The following COL8A1 variants were observed in gnomAD, a reference collection of about 807,000 sequenced individuals.
COL8A1 encodes collagen type VIII alpha 1 chain, also known as collagen alpha-1(VIII) chain.
Under a neutral mutation model 42.7 loss-of-function variants are expected in COL8A1, and 21 were observed. That is an observed-to-expected ratio of 0.49 (90% CI 0.35 to 0.71). COL8A1 has a LOEUF of 0.71. COL8A1 is among the 30% of genes least tolerant of loss of function. The probability of loss-of-function intolerance (pLI) is 0.01; values close to 1 mark genes in which losing one functional copy is unlikely to be tolerated. For synonymous variants in COL8A1, 367 were observed against 369.1 expected (o/e 0.99, Z 0.06); for missense variants, 788 against 962.4 (o/e 0.82, Z 2.40).
In COL8A1 at chr3:99,790,945, A is replaced by G; in HGVS notation, c.263A>G (p.Gln88Arg). 6.8e-6 allele frequency: 11 copies of G among 1,614,106 alleles called. No individual in the cohort carries two copies. In the South Asian group the frequency reaches 1.2e-4, roughly 18 times the overall value. Reference sequence around the variant, plus strand: ...GGCAAAGAGTATCCACACCTACCCCAATATATGAAGGAAATTCAACCGGCG... The same window carrying G: ...GGCAAAGAGTATCCACACCTACCCCGATATATGAAGGAAATTCAACCGGCG... ...QYGKEYPHLP[Q>R]YMKEIQPAPR... Residue 88 changes from glutamine (Q) to arginine (R), a missense_variant, in exon 3 of 4, where the codon CAA (glutamine) becomes CGA (arginine). Transcript: ENST00000652472.
intron 1 of COL8A1, among the ~76,000 whole-genome samples, chr3:99,653,401 TG>T (rs1937913707): frequency 6.6e-6 from 1 of 151,786 alleles, no homozygotes; most frequent in African/African-American, 2.4e-5. Flanking sequence ...TTGGTTTGGG[TG>T]GGGGGTTGTG....
intron 1 of COL8A1, among the ~76,000 whole-genome samples, chr3:99,669,236 C>G (rs936424978): frequency 3.4e-5 from 5 of 149,174 alleles, no homozygotes; most frequent in African/African-American, 9.9e-5. Context: ...CATAAATTTA[C>G]AGTAAAACAT....
intron 1 of COL8A1, among the ~76,000 whole-genome samples, chr3:99,646,386 A>AT (rs1431058041): frequency 1.3e-5 from 2 of 152,182 alleles, no homozygotes; most frequent in Non-Finnish European, 2.9e-5. Flanking sequence ...CAGTGTTTTA[A>AT]TTTCAAAAAC....
intron 2 of COL8A1, among the ~76,000 whole-genome samples, chr3:99,757,363 A>T (rs2107420802): frequency 6.6e-6 from 1 of 152,250 alleles, no homozygotes; most frequent in South Asian, 2.1e-4. Flanking sequence ...ACCATTCATG[A>T]CATTGACTAA....
intron 1 of COL8A1, among the ~76,000 whole-genome samples, chr3:99,714,665 T>A (rs1939944591): frequency 6.6e-6 from 1 of 152,066 alleles, no homozygotes; most frequent in Non-Finnish European, 1.5e-5. Context: ...TCTTCATTCA[T>A]TCAACAAATA....
At chr3:99,756,690 T>A (rs564910059) in intron 2 of COL8A1, among the ~76,000 whole-genome samples, 1 of 152,352 alleles carries the variant, frequency 6.6e-6, no homozygotes, top group South Asian at 2.1e-4. Flanking sequence ...AACCAGGGTC[T>A]TCAATTTCCA....
chr3:99,650,193 C>T (rs935771092), intron 1 of COL8A1, among the ~76,000 whole-genome samples: 22 of 152,260 alleles, frequency 1.4e-4, no homozygotes, highest in Admixed American at 3.9e-4. Context: ...GTCAGAATAA[C>T]CATAATTTCA....
intron 1 of COL8A1, among the ~76,000 whole-genome samples, chr3:99,667,214 C>T (rs1938393377): frequency 6.6e-6 from 1 of 152,096 alleles, no homozygotes; most frequent in South Asian, 2.1e-4. Flanking sequence ...CTAAACTATT[C>T]CTTTGGGTTC....
chr3:99,755,764 G>A (rs558584062), intron 2 of COL8A1, among the ~76,000 whole-genome samples: 16 of 152,328 alleles, frequency 1.1e-4, no homozygotes, highest in African/African-American at 3.4e-4. Flanking sequence ...TTGGCTTGTT[G>A]CAAGATGGCA....
rs781289420 is a variant in COL8A1, at chr3:99,790,894, G to A, written c.212G>A (p.Gly71Asp). 4 of 1,614,230 alleles carry A rather than the reference G, an allele frequency of 2.5e-6. No individual in the cohort carries two copies. The highest frequency in any genetic ancestry group is 2.5e-6 in the Non-Finnish European group (3 of 1,180,038). The change falls in exon 3 of 4, where the codon GGC (glycine) becomes GAC (aspartate). Residue 71 changes from glycine (G) to aspartate (D), a missense_variant. Around this residue, in one of 4 missense-constraint regions of COL8A1, gnomAD observed 421 missense variants for 553.1 expected, o/e 0.76. Coordinates refer to ENST00000652472, the MANE Select transcript of COL8A1 (RefSeq NM_020351.4). The part of the protein sequence containing the change: ...MPLAKDGLAM[G>D]KEMPHLQYGK... Reference sequence around the variant, plus strand: ...TTGGCCAAAGATGGCCTTGCCATGGGCAAGGAGATGCCCCACTTGCAGTAT... The same window carrying A: ...TTGGCCAAAGATGGCCTTGCCATGGACAAGGAGATGCCCCACTTGCAGTAT...
Position 99,797,243 on chromosome 3 carries a change from C to G in COL8A1, c.*1107C>G, listed in dbSNP as rs1942123002. 1 of 152,030 alleles carries G rather than the reference C, an allele frequency of 6.6e-6. No individual in the cohort carries two copies. Among genetic ancestry groups the G allele is most frequent in the Non-Finnish European group, 1.5e-5 (1 of 68,014 alleles). 9.4% of individuals were successfully genotyped at this position (152,030 alleles called of 1,614,324 possible). A position where few individuals can be genotyped will look rare whatever the true frequency, so the allele number is the denominator to read the frequency against. ...TTTCTCTGTTTAGCATGTATGCAAA[C>G]TGATATGTAATCTGAGGTTCCAAAG... On this transcript the variant is annotated 3_prime_UTR_variant, in exon 4 of 4. Transcript: ENST00000652472.
intron 1 of COL8A1, among the ~76,000 whole-genome samples, chr3:99,734,996 A>AT (rs891309996): frequency 5.9e-4 from 89 of 152,006 alleles, no homozygotes; most frequent in African/African-American, 2.1e-3. Context: ...TTGTACATTG[A>AT]TTTTGTATCC....
chr3:99,723,053 G>A (rs1195169947), intron 1 of COL8A1, among the ~76,000 whole-genome samples: 1 of 150,932 alleles, frequency 6.6e-6, no homozygotes, highest in Non-Finnish European at 1.5e-5. Context: ...GATGACTTCT[G>A]AAATGAAGTC....
chr3:99,736,719 G>A (rs1382715602), intron 1 of COL8A1, among the ~76,000 whole-genome samples: 5 of 152,068 alleles, frequency 3.3e-5, no homozygotes, highest in Admixed American at 2.6e-4. Context: ...TTGATTTGGG[G>A]TGGAGAGTTC....
intron 1 of COL8A1, among the ~76,000 whole-genome samples, chr3:99,704,039 G>A (rs1939613810): frequency 2.0e-5 from 3 of 152,056 alleles, no homozygotes; most frequent in Admixed American, 6.5e-5. Context: ...CTTTCATGAT[G>A]TGCCAGAATT....
At chr3:99,770,205 G>A (rs759401922) in intron 2 of COL8A1, among the ~76,000 whole-genome samples, 4 of 152,264 alleles carry the variant, frequency 2.6e-5, no homozygotes, top group South Asian at 2.1e-4. Context: ...GGCAGGACAT[G>A]TTTGGAATGA....
intron 1 of COL8A1, among the ~76,000 whole-genome samples, chr3:99,692,970 C>A (rs748362725): frequency 6.6e-6 from 1 of 152,332 alleles, no homozygotes; most frequent in Middle Eastern, 3.4e-3. Flanking sequence ...ACAAACCTGA[C>A]CAACATGGTG....
chr3:99,720,796 G>A (rs143506458), intron 1 of COL8A1, among the ~76,000 whole-genome samples: 6 of 152,118 alleles, frequency 3.9e-5, no homozygotes. Flanking sequence ...TACTGGATTA[G>A]AGATTAAGAA....
chr3:99,792,227 T>C (rs756917182), intron 3 of COL8A1, among the ~76,000 whole-genome samples: 10 of 152,248 alleles, frequency 6.6e-5, no homozygotes, highest in Non-Finnish European at 1.5e-4. Flanking sequence ...CAGACATTTC[T>C]TTTCCTTCCT....
Sources: gnomAD v4.1 joint callset for allele counts (sites outside exome capture counted in the v4.1 genomes callset) on GRCh38, gnomAD v4.1.1 for gene constraint, gnomAD v4.1.1 regional missense constraint, MANE v1.5 for transcripts, NCBI Gene and HGNC (gene_info 2026-07-23, HGNC 2026-07-21) for gene names.